The following BTBD9 variants were observed in gnomAD, a reference collection of about 807,000 sequenced individuals.
BTBD9 encodes BTB/POZ domain-containing protein 9.
A neutral mutation model predicts 64.3 loss-of-function variants in BTBD9; 49 were observed. The observed-to-expected ratio is 0.76, with a 90% CI of 0.61 to 0.97. The LOEUF is 0.97. BTBD9 is among the 50% of genes least tolerant of loss of function. The pLI is 0.00. For missense variants in BTBD9, 598 were observed against 762.1 expected (o/e 0.78, Z 2.53); for synonymous variants, 260 against 274.7 (o/e 0.95, Z 0.53).
intron 7 of BTBD9, among the ~76,000 whole-genome samples, chr6:38,343,596 C>T (rs574914543): frequency 6.6e-6 from 1 of 152,264 alleles, no homozygotes; most frequent in East Asian, 1.9e-4. Flanking sequence ...CCACAACCCT[C>T]CATCACCACA....
At chr6:38,496,417 A>G (rs1425021998) in intron 6 of BTBD9, among the ~76,000 whole-genome samples, 1 of 152,076 alleles carries the variant, frequency 6.6e-6, no homozygotes, top group Non-Finnish European at 1.5e-5. Flanking sequence ...CTGAGGTGAG[A>G]GGGCTGCTTG....
chr6:38,296,839 A>T (rs942027128), intron 7 of BTBD9, among the ~76,000 whole-genome samples: 1 of 152,192 alleles, frequency 6.6e-6, no homozygotes, highest in Non-Finnish European at 1.5e-5. Flanking sequence ...ATTTTTAATT[A>T]AATTGCAATG....
chr6:38,204,176 G>A (rs1762560958), intron 9 of BTBD9, among the ~76,000 whole-genome samples: 1 of 152,122 alleles, frequency 6.6e-6, no homozygotes, highest in Admixed American at 6.5e-5. Context: ...TTCCTCAGGT[G>A]GTTAAATAGA....
intron 6 of BTBD9, among the ~76,000 whole-genome samples, chr6:38,543,893 C>T (rs1259145626): frequency 6.6e-6 from 1 of 150,708 alleles, no homozygotes; most frequent in African/African-American, 2.4e-5. Flanking sequence ...GGAGGCGGAG[C>T]TTGCAGTGAG....
intron 9 of BTBD9, among the ~76,000 whole-genome samples, chr6:38,211,686 G>A (rs1762840536): frequency 6.6e-6 from 1 of 152,094 alleles, no homozygotes; most frequent in Non-Finnish European, 1.5e-5. Flanking sequence ...GGAGGTTGCA[G>A]TGAGCTGAGA....
intron 4 of BTBD9, chr6:38,587,999 G>A: frequency 1.3e-6 from 1 of 742,878 alleles, no homozygotes; most frequent in Non-Finnish European, 2.5e-6. Flanking sequence ...CCCACCAGGA[G>A]TTCAGCCACA....
chr6:38,441,971 T>C (rs1769055397), intron 6 of BTBD9, among the ~76,000 whole-genome samples: 1 of 152,178 alleles, frequency 6.6e-6, no homozygotes, highest in Non-Finnish European at 1.5e-5. Flanking sequence ...CCCTCTCTGA[T>C]GCATGAAGCC....
At chr6:38,182,245 C>T (rs1003167482) in intron 10 of BTBD9, among the ~76,000 whole-genome samples, 1 of 152,148 alleles carries the variant, frequency 6.6e-6, no homozygotes, top group African/African-American at 2.4e-5. Context: ...AACTCTGATG[C>T]TTGGAAGGTT....
chr6:38,620,340 C>T (rs1777941557), intron 1 of BTBD9, among the ~76,000 whole-genome samples: 1 of 152,174 alleles, frequency 6.6e-6, no homozygotes, highest in East Asian at 1.9e-4. Context: ...CTGAAGGATG[C>T]CTTCTTCTGC....
At chr6:38,476,241 C>G (rs1296289239) in intron 6 of BTBD9, among the ~76,000 whole-genome samples, 1 of 152,184 alleles carries the variant, frequency 6.6e-6, no homozygotes. Flanking sequence ...AAATTCCTCC[C>G]AGGGATATAA....
chr6:38,508,660 C>A (rs1772643013), intron 6 of BTBD9, among the ~76,000 whole-genome samples: 1 of 152,170 alleles, frequency 6.6e-6, no homozygotes, highest in African/African-American at 2.4e-5. Context: ...AATTTCTTGG[C>A]CCAGCAGACA....
chr6:38,455,608 T>C (rs1012130893), intron 6 of BTBD9, among the ~76,000 whole-genome samples: 1 of 152,280 alleles, frequency 6.6e-6, no homozygotes, highest in Non-Finnish European at 1.5e-5. Context: ...TTCCTTTTTA[T>C]TGTGAGTAGT....
At chr6:38,543,906 G>C (rs938945328) in intron 6 of BTBD9, among the ~76,000 whole-genome samples, 1 of 150,470 alleles carries the variant, frequency 6.6e-6, no homozygotes, top group African/African-American at 2.4e-5. Flanking sequence ...GCAGTGAGCC[G>C]AGATCGCGCC....
At chr6:38,188,355 T>G (rs191666874) in intron 10 of BTBD9, among the ~76,000 whole-genome samples, 47 of 152,350 alleles carry the variant, frequency 3.1e-4, no homozygotes, top group African/African-American at 1.0e-3. Context: ...AGCCACCATC[T>G]TCTCTTGAAT....
chr6:38,610,766 T>C (rs1453579204), intron 1 of BTBD9, among the ~76,000 whole-genome samples: 2 of 152,158 alleles, frequency 1.3e-5, no homozygotes, highest in Non-Finnish European at 2.9e-5. Context: ...TCATATACTG[T>C]TGTAAGTATA....
At chr6:38,615,218 C>T (rs1427266867) in intron 1 of BTBD9, among the ~76,000 whole-genome samples, 1 of 152,338 alleles carries the variant, frequency 6.6e-6, no homozygotes. Flanking sequence ...GTCTAGCCAG[C>T]GCTCTTGTCA....
At chr6:38,322,106 G>A (rs1763260155) in intron 7 of BTBD9, among the ~76,000 whole-genome samples, 1 of 152,016 alleles carries the variant, frequency 6.6e-6, no homozygotes, top group Admixed American at 6.6e-5. Flanking sequence ...AGCACATTAA[G>A]ACTTCCTTGT....
intron 10 of BTBD9, among the ~76,000 whole-genome samples, chr6:38,190,767 T>C (rs560017358): frequency 3.9e-5 from 6 of 152,250 alleles, no homozygotes; most frequent in African/African-American, 1.2e-4. Context: ...TCATCTAGAA[T>C]AGCTTTGAAA....
At chr6:38,392,372 T>G (rs2127623721) in intron 6 of BTBD9, among the ~76,000 whole-genome samples, 1 of 152,314 alleles carries the variant, frequency 6.6e-6, no homozygotes. Context: ...GTCAGATGGC[T>G]TAGGGAACTG....
Sources: allele counts gnomAD v4.1 joint callset (sites outside exome capture counted in the v4.1 genomes callset), GRCh38; gene constraint gnomAD v4.1.1; transcripts MANE v1.5; gene names NCBI Gene and HGNC (gene_info 2026-07-23, HGNC 2026-07-21).